Variants in ARHGAP42 observed in about 807,000 individuals in gnomAD.
ARHGAP42 encodes rho GTPase-activating protein 42.
In ARHGAP42, 63 loss-of-function variants were observed where a neutral mutation model predicts 125.0. That is an observed-to-expected ratio of 0.50 (90% CI 0.41 to 0.62). The LOEUF (loss-of-function observed/expected upper bound fraction) is 0.62, where lower values mean the gene tolerates loss of function less well. Among genes scored for constraint, ARHGAP42 ranks in the 20% least tolerant of loss-of-function variants. The pLI is 0.00. For missense variants in ARHGAP42, 766 were observed against 1,024.2 expected (o/e 0.75, Z 3.44); for synonymous variants, 339 against 351.0 (o/e 0.97, Z 0.38).
At chr11:100,854,215 A>G (rs906376828) in intron 3 of ARHGAP42, among the ~76,000 whole-genome samples, 3 of 152,196 alleles carry the variant, frequency 2.0e-5, no homozygotes, top group Admixed American at 2.0e-4. Flanking sequence ...AGAAGAGGCT[A>G]TTCATATAGC....
chr11:100,748,978 C>CTCTT (rs1017975798), intron 1 of ARHGAP42, among the ~76,000 whole-genome samples: 4 of 152,054 alleles, frequency 2.6e-5, no homozygotes, highest in African/African-American at 9.7e-5. Context: ...GTCTCTCTGT[C>CTCTT]TCTTTCTCTC....
chr11:100,754,784 C>CT (rs1404466669), intron 1 of ARHGAP42, among the ~76,000 whole-genome samples: 1 of 152,108 alleles, frequency 6.6e-6, no homozygotes, highest in African/African-American at 2.4e-5. Flanking sequence ...CACTACGTAG[C>CT]TTTATTCTGT....
rs372115274 is a variant in ARHGAP42, at chr11:100,992,326, C to T, written c.*3525C>T. 60 of 1,607,816 alleles carry T rather than the reference C, an allele frequency of 3.7e-5. No homozygotes were observed. Among genetic ancestry groups the T allele is most frequent in the South Asian group, 1.5e-4 (13 of 89,650 alleles). The stretch of plus-strand genomic sequence containing the variant: ...CTGTTAGCATGACCTCACATCACTG[C>T]GTAGGACCCGGAAATCACATCTCCT... On this transcript the variant is annotated 3_prime_UTR_variant, in exon 24 of 24. Coordinates refer to ENST00000298815, the MANE Select transcript of ARHGAP42 (RefSeq NM_152432.4).
At chr11:100,815,735 T>A (rs515584) in intron 3 of ARHGAP42, among the ~76,000 whole-genome samples, 1 of 152,050 alleles carries the variant, frequency 6.6e-6, no homozygotes, top group Non-Finnish European at 1.5e-5. Flanking sequence ...CACGTTATTA[T>A]GCTACCAATC....
At chr11:100,963,165 G>A (rs997976422) in intron 16 of ARHGAP42, among the ~76,000 whole-genome samples, 1 of 152,202 alleles carries the variant, frequency 6.6e-6, no homozygotes, top group African/African-American at 2.4e-5. Flanking sequence ...ATCTGGAGAT[G>A]AGTCAAATAT....
At chr11:100,811,857 G>A (rs777880778) in intron 3 of ARHGAP42, among the ~76,000 whole-genome samples, 10 of 152,164 alleles carry the variant, frequency 6.6e-5, no homozygotes, top group South Asian at 4.2e-4. Flanking sequence ...CAGTGTCAAT[G>A]ATTAGCCCTG....
chr11:100,889,305 G>C (rs973887183), intron 4 of ARHGAP42, among the ~76,000 whole-genome samples: 30 of 152,102 alleles, frequency 2.0e-4, no homozygotes, highest in Non-Finnish European at 2.9e-5. Context: ...TGGGTTATGA[G>C]GGCACCATCC....
At chr11:100,802,689 A>C (rs1421180792) in intron 3 of ARHGAP42, among the ~76,000 whole-genome samples, 1 of 151,968 alleles carries the variant, frequency 6.6e-6, no homozygotes, top group Non-Finnish European at 1.5e-5. Context: ...CGGTCTCCCA[A>C]AGTGCCGGGA....
intron 1 of ARHGAP42, among the ~76,000 whole-genome samples, chr11:100,705,034 G>A (rs7104417): frequency 0.18 from 22,957 of 131,110 alleles, 2,441 homozygotes; most frequent in African/African-American, 0.3. Context: ...AAAAAAAAAA[G>A]AGAGAAGAAA....
At chr11:100,877,788 C>T (rs565774931) in intron 4 of ARHGAP42, among the ~76,000 whole-genome samples, 23 of 151,924 alleles carry the variant, frequency 1.5e-4, no homozygotes, top group Non-Finnish European at 3.1e-4. Flanking sequence ...AGGCAGATCA[C>T]GAGGTCAGGA....
At chr11:100,960,085 C>T (rs1591323219) in intron 13 of ARHGAP42, 140 bp downstream of exon 13, 5 of 747,510 alleles carry the variant, frequency 6.7e-6, no homozygotes, top group East Asian at 5.5e-5. Flanking sequence ...ATGTATGTAT[C>T]GGTATACAAA....
At chr11:100,708,307 T>A (rs1322649265) in intron 1 of ARHGAP42, among the ~76,000 whole-genome samples, 1 of 152,024 alleles carries the variant, frequency 6.6e-6, no homozygotes, top group African/African-American at 2.4e-5. Flanking sequence ...AACCCAGGGG[T>A]TGGAGACCAG....
intron 4 of ARHGAP42, among the ~76,000 whole-genome samples, chr11:100,903,602 A>G (rs1305389621): frequency 6.6e-6 from 1 of 151,064 alleles, no homozygotes; most frequent in African/African-American, 2.4e-5. Context: ...TCCTAATGCC[A>G]GTATTCCTTG....
At chr11:100,746,667 G>C (rs555736643) in intron 1 of ARHGAP42, among the ~76,000 whole-genome samples, 10 of 152,292 alleles carry the variant, frequency 6.6e-5, no homozygotes, top group African/African-American at 2.2e-4. Context: ...GTTTGGGAAG[G>C]GGGCAGCCGT....
chr11:100,893,004 T>G (rs1866258789), intron 4 of ARHGAP42, among the ~76,000 whole-genome samples: 1 of 152,186 alleles, frequency 6.6e-6, no homozygotes, highest in South Asian at 2.1e-4. Flanking sequence ...CTAAAAGAAC[T>G]TGTAAGTTAT....
At chr11:100,888,648 A>T (rs942554578) in intron 4 of ARHGAP42, among the ~76,000 whole-genome samples, 1 of 152,230 alleles carries the variant, frequency 6.6e-6, no homozygotes, top group Admixed American at 6.5e-5. Flanking sequence ...AACTTGTTCC[A>T]GATAATTTAC....
chr11:100,827,496 G>A (rs146302481), intron 3 of ARHGAP42, among the ~76,000 whole-genome samples: 141 of 152,330 alleles, frequency 9.3e-4, no homozygotes, highest in African/African-American at 3.2e-3. Flanking sequence ...ACCCAAAGGT[G>A]CATGGATCCC....
chr11:100,771,435 G>A lies in ARHGAP42; in HGVS notation c.250+997G>A, dbSNP rs570826005. 3.9e-5 allele frequency among the ~76,000 whole-genome samples: 6 copies of A among 152,144 alleles called. No homozygotes were observed. The South Asian group carries it at 1.2e-3, about 32-fold the overall frequency. Reference sequence around the variant, plus strand: ...AGATGTGTGGTCCCTTTGTAGGCTGGATTAGAGATATGTCATATAATGAAA... The same window carrying A: ...AGATGTGTGGTCCCTTTGTAGGCTGAATTAGAGATATGTCATATAATGAAA... On this transcript the variant is annotated intron_variant, in intron 2 of 23. Coordinates refer to ENST00000298815, the MANE Select transcript of ARHGAP42 (RefSeq NM_152432.4).
intron 4 of ARHGAP42, among the ~76,000 whole-genome samples, chr11:100,907,527 G>A (rs1565270152): frequency 6.6e-6 from 1 of 152,194 alleles, no homozygotes; most frequent in African/African-American, 2.4e-5. Context: ...GGGAGTTGGT[G>A]GAGAATGGGT....
Sources: allele counts gnomAD v4.1 joint callset (sites outside exome capture counted in the v4.1 genomes callset), GRCh38; gene constraint gnomAD v4.1.1; transcripts MANE v1.5; gene names NCBI Gene and HGNC (gene_info 2026-07-23, HGNC 2026-07-21).